Variants in SPAG17 observed in about 807,000 individuals in gnomAD.
SPAG17 encodes sperm associated antigen 17.
In SPAG17, 169 loss-of-function variants were observed where a neutral mutation model predicts 273.6. The ratio of observed to expected loss-of-function variants is 0.62; its 90% CI spans 0.55 to 0.70. The LOEUF (loss-of-function observed/expected upper bound fraction) is 0.70, where lower values mean the gene tolerates loss of function less well. Ranked by LOEUF, SPAG17 falls within the 30% of genes least tolerant of loss-of-function variation. The probability of loss-of-function intolerance (pLI) is 0.00; values close to 1 mark genes in which losing one functional copy is unlikely to be tolerated. For missense variants in SPAG17, 2,557 were observed against 2,627.8 expected (o/e 0.97, Z 0.59); for synonymous variants, 825 against 873.2 (o/e 0.94, Z 0.97).
intron 6 of SPAG17, 51 bp downstream of exon 6, chr1:118,099,555 G>T (rs1014438301): frequency 2.1e-6 from 3 of 1,449,588 alleles, no homozygotes; most frequent in Non-Finnish European, 1.9e-6. Flanking sequence ...GTACTTTAAG[G>T]ACAGTGGGTA....
At chr1:118,177,273 G>A (rs1400961576) in intron 1 of SPAG17, among the ~76,000 whole-genome samples, 3 of 152,178 alleles carry the variant, frequency 2.0e-5, no homozygotes, top group Non-Finnish European at 4.4e-5. Context: ...GAGAAGCAAA[G>A]GCACATCTTA....
intron 28 of SPAG17, among the ~76,000 whole-genome samples, chr1:118,022,694 CT>C (rs1647254269): frequency 6.6e-6 from 1 of 152,090 alleles, no homozygotes; most frequent in African/African-American, 2.4e-5. Context: ...TGTTCACCTT[CT>C]TTTTTCCCTG....
chr1:118,104,343 A>C (rs1052699781), intron 4 of SPAG17, among the ~76,000 whole-genome samples: 4 of 152,156 alleles, frequency 2.6e-5, no homozygotes, highest in African/African-American at 9.7e-5. Context: ...GATAGAGAAG[A>C]CTGGGTGATA....
In SPAG17 at chr1:117,987,832, A is replaced by G. The variant is rs1656600025; in HGVS notation, c.5669+2T>C. Reference sequence around the variant, plus strand: ...CTTATGTGCGTTTTGGGGTATAATTACCTCGTTTTGTCTATCTTTTCTTTC... The same window carrying G: ...CTTATGTGCGTTTTGGGGTATAATTGCCTCGTTTTGTCTATCTTTTCTTTC... On this transcript the variant is annotated splice_donor_variant, in intron 40 of 48. Coordinates refer to ENST00000336338, the MANE Select transcript of SPAG17 (RefSeq NM_206996.4). LOFTEE classifies it high-confidence loss of function. 6.2e-7 allele frequency: 1 copy of G among 1,612,256 alleles called. No individual in the cohort carries two copies.
At chr1:118,135,393 GTGTGTGTGTGTGTGTGTA>G (rs1189761535) in intron 3 of SPAG17, among the ~76,000 whole-genome samples, 15 of 150,924 alleles carry the variant, frequency 9.9e-5, no homozygotes, top group Admixed American at 8.6e-4. Flanking sequence ...GTGTGTGTGT[GTGTGTGTGTGTGTGTGTA>G]TGTGTGTGTG....
At chr1:117,968,199 A>T (rs746243716) in intron 46 of SPAG17, among the ~76,000 whole-genome samples, 11 of 151,880 alleles carry the variant, frequency 7.2e-5, no homozygotes, top group Non-Finnish European at 1.5e-4. Flanking sequence ...TACAGATTAT[A>T]TTTTTTTTGC....
chr1:117,998,663 A>T (rs1394997185), intron 32 of SPAG17, among the ~76,000 whole-genome samples: 1 of 152,056 alleles, frequency 6.6e-6, no homozygotes, highest in Non-Finnish European at 1.5e-5. Flanking sequence ...CCATTTTAAC[A>T]ATATTGATTG....
intron 48 of SPAG17, among the ~76,000 whole-genome samples, chr1:117,958,374 T>A (rs998594425): frequency 6.6e-6 from 1 of 152,340 alleles, no homozygotes; most frequent in Admixed American, 6.5e-5. Flanking sequence ...GTATACGTGC[T>A]ATTGAATTAG....
At chr1:118,011,652 G>A (rs67803788) in intron 30 of SPAG17, among the ~76,000 whole-genome samples, 48,922 of 151,768 alleles carry the variant, frequency 0.32, 9,837 homozygotes, top group Non-Finnish European at 0.44. Flanking sequence ...TAATCTGTAC[G>A]GCAAACCCTG....
At chr1:117,998,151 AT>A (rs1357767734) in intron 32 of SPAG17, among the ~76,000 whole-genome samples, 1 of 152,044 alleles carries the variant, frequency 6.6e-6, no homozygotes, top group Non-Finnish European at 1.5e-5. Flanking sequence ...CCAGAATGGT[AT>A]TTTCTGGGTT....
chr1:118,136,949 A>C (rs1658402315), intron 3 of SPAG17, among the ~76,000 whole-genome samples: 1 of 152,224 alleles, frequency 6.6e-6, no homozygotes. Context: ...TTCTTTCTGC[A>C]TAACTCAAAG....
intron 3 of SPAG17, among the ~76,000 whole-genome samples, chr1:118,126,617 T>C (rs1385998053): frequency 6.6e-6 from 1 of 152,176 alleles, no homozygotes; most frequent in African/African-American, 2.4e-5. Context: ...GCAAATATTG[T>C]CTCCCATTCT....
Position 118,008,024 on chromosome 1 carries a change from C to T in SPAG17, c.4587+20G>A. ...ATAGACACTCATCTTTGGCGCTTCT[C>T]ATTTTCCTCGTAGACCTACCTGGTA... is the stretch of plus-strand genomic sequence containing the variant. On this transcript the variant is annotated intron_variant, in intron 31 of 48. Transcript: ENST00000336338. 1.2e-6 allele frequency: 2 copies of T among 1,613,492 alleles called. No homozygotes were observed. Among genetic ancestry groups the T allele is most frequent in the Non-Finnish European group, 1.7e-6 (2 of 1,179,612 alleles).
intron 24 of SPAG17, among the ~76,000 whole-genome samples, chr1:118,032,835 C>G (rs191040525): frequency 1.3e-5 from 2 of 152,234 alleles, no homozygotes; most frequent in Admixed American, 1.3e-4. Context: ...CTCAAGTGAT[C>G]CGCCCACCTC....
chr1:118,020,099 G>C (rs918673875), intron 28 of SPAG17, among the ~76,000 whole-genome samples: 2 of 152,146 alleles, frequency 1.3e-5, no homozygotes, highest in Non-Finnish European at 2.9e-5. Context: ...AATAAAATAA[G>C]CAAAATAGAC....
At chr1:118,066,371 C>G (rs752196437) in intron 18 of SPAG17, among the ~76,000 whole-genome samples, 7 of 151,914 alleles carry the variant, frequency 4.6e-5, no homozygotes, top group Non-Finnish European at 7.4e-5. Context: ...TTGAATGTTC[C>G]CCAGATAAAA....
At chr1:118,184,402 T>C (rs1661084476) in intron 1 of SPAG17, among the ~76,000 whole-genome samples, 1 of 152,086 alleles carries the variant, frequency 6.6e-6, no homozygotes, top group African/African-American at 2.4e-5. Flanking sequence ...GCCAGTGAAT[T>C]CTGGGATCTC....
chr1:117,953,771 A>G lies in SPAG17; in HGVS notation c.*279T>C. The G allele has an allele frequency of 1.6e-6, 1 of 607,910 alleles. No homozygotes were observed. Among genetic ancestry groups the G allele is most frequent in the Non-Finnish European group, 2.9e-6 (1 of 348,108 alleles). The allele number at this position is 607,910 out of a possible 1,614,324, so 37.7% of individuals were successfully genotyped here. On this transcript the variant is annotated 3_prime_UTR_variant, in exon 49 of 49. Coordinates refer to ENST00000336338, the MANE Select transcript of SPAG17 (RefSeq NM_206996.4). ...GGTGTTCCTGGGACCTGCCCTATTCAGAGTGTCTAGATATCATCCCACCTG... is the reference window on the plus strand; with the variant it reads ...GGTGTTCCTGGGACCTGCCCTATTCGGAGTGTCTAGATATCATCCCACCTG...
rs1055263285 is a variant in SPAG17, at chr1:118,042,045, G to A, written c.2815-3C>T. The A allele has an allele frequency of 1.9e-6, 3 of 1,600,158 alleles. No homozygotes were observed. The highest frequency in any genetic ancestry group is 2.5e-6 in the Non-Finnish European group (3 of 1,176,724). On this transcript the variant is annotated splice_region_variant and splice_polypyrimidine_tract_variant and intron_variant, in intron 20 of 48. Coordinates refer to ENST00000336338, the MANE Select transcript of SPAG17 (RefSeq NM_206996.4). ...CGATGTTGCTCTTCTTTCCATGCCT[G>A]TAAACACATTTAAGAAATTTAACAG...
Sources: allele counts gnomAD v4.1 joint callset (sites outside exome capture counted in the v4.1 genomes callset), GRCh38; gene constraint gnomAD v4.1.1; transcripts MANE v1.5; gene names NCBI Gene and HGNC (gene_info 2026-07-23, HGNC 2026-07-21).